Variants in PLCG2 observed in about 807,000 individuals in gnomAD.
The protein encoded by PLCG2 is 1-phosphatidylinositol 4,5-bisphosphate phosphodiesterase gamma-2.
A neutral mutation model predicts 175.6 loss-of-function variants in PLCG2; 69 were observed. The observed-to-expected ratio is 0.39, with a 90% confidence interval of 0.32 to 0.48. The LOEUF (loss-of-function observed/expected upper bound fraction) is 0.48. Among genes scored for constraint, PLCG2 ranks in the 20% least tolerant of loss-of-function variants. The pLI, the probability that PLCG2 is intolerant of heterozygous loss-of-function variation, is 0.91. For synonymous variants in PLCG2, 827 were observed against 624.0 expected, an observed-to-expected ratio of 1.33 and a Z score of -4.85; for missense variants, 1,798 against 1,650.9, an observed-to-expected ratio of 1.09 and a Z score of -1.54.
At chr16:81,923,790 A>G (rs1462065431) in intron 22 of PLCG2, among the ~76,000 whole-genome samples, 196 bp downstream of exon 22, 1 of 152,132 alleles carries the variant, frequency 6.6e-6, no homozygotes, top group Non-Finnish European at 1.5e-5. Flanking sequence ...AACAATATTA[A>G]CAGGTATCGA....
chr16:81,776,081 C>CGTT (rs768932030), upstream of PLCG2, among the ~76,000 whole-genome samples: 1 of 110,586 alleles, frequency 9.0e-6, no homozygotes, highest in African/African-American at 3.3e-5. Flanking sequence ...CTTTCTCTCT[C>CGTT]TCTCTCTCTT....
chr16:81,826,134 G>T (rs1905036761), intron 2 of PLCG2, among the ~76,000 whole-genome samples: 1 of 152,144 alleles, frequency 6.6e-6, no homozygotes, highest in Non-Finnish European at 1.5e-5. Flanking sequence ...CCCCATTGTG[G>T]TAAGAGATAC....
chr16:81,892,892 G>A (rs1404087554), intron 11 of PLCG2, among the ~76,000 whole-genome samples: 1 of 149,924 alleles, frequency 6.7e-6, no homozygotes, highest in Non-Finnish European at 1.5e-5. Flanking sequence ...CTGTTGCCCA[G>A]GCTGGAGTGC....
At chr16:81,926,466 T>C (rs190057744) in intron 22 of PLCG2, among the ~76,000 whole-genome samples, 143 of 152,364 alleles carry the variant, frequency 9.4e-4, no homozygotes, top group African/African-American at 3.4e-3. Flanking sequence ...AGATGGATTA[T>C]GTCCCGTGTT....
intron 15 of PLCG2, among the ~76,000 whole-genome samples, 194 bp downstream of exon 15, chr16:81,905,701 C>G (rs1037651125): frequency 6.6e-6 from 1 of 152,160 alleles, no homozygotes; most frequent in Non-Finnish European, 1.5e-5. Context: ...CTCTGTCGCC[C>G]AGGCTGGAGT....
At chr16:81,943,925 A>G (rs1911052823) in intron 30 of PLCG2, among the ~76,000 whole-genome samples, 2 of 152,180 alleles carry the variant, frequency 1.3e-5, no homozygotes, top group African/African-American at 4.8e-5. Context: ...AAATCAAAGG[A>G]TGGATGCTCT....
chr16:81,825,176 C>A (rs551095744), intron 2 of PLCG2, among the ~76,000 whole-genome samples: 4 of 152,260 alleles, frequency 2.6e-5, no homozygotes, highest in African/African-American at 9.6e-5. Flanking sequence ...TTGTTGTAAG[C>A]CACTAGGTTT....
chr16:81,909,853 T>C (rs757963953), intron 17 of PLCG2, among the ~76,000 whole-genome samples: 13 of 152,194 alleles, frequency 8.5e-5, no homozygotes, highest in East Asian at 3.8e-4. Flanking sequence ...GATACTGTTA[T>C]CATTCCTGTC....
chr16:81,739,720 G>C (rs1023379468), intron 1 of PLCG2: 2 of 152,282 alleles, frequency 1.3e-5, no homozygotes, highest in Non-Finnish European at 2.9e-5. Flanking sequence ...CTCACCAACT[G>C]TGACCTTGGG....
chr16:81,853,854 C>G (rs1051941222), intron 2 of PLCG2, among the ~76,000 whole-genome samples: 1 of 152,178 alleles, frequency 6.6e-6, no homozygotes, highest in Non-Finnish European at 1.5e-5. Context: ...CCACTCTCTT[C>G]TCACAGGCCC....
chr16:81,824,884 C>A (rs919330522), intron 2 of PLCG2, among the ~76,000 whole-genome samples: 1 of 152,200 alleles, frequency 6.6e-6, no homozygotes, highest in Non-Finnish European at 1.5e-5. Context: ...TGGGGAGATT[C>A]TCCTGCATGA....
chr16:81,859,804 G>A (rs1473563738), intron 5 of PLCG2, among the ~76,000 whole-genome samples: 1 of 152,082 alleles, frequency 6.6e-6, no homozygotes, highest in Non-Finnish European at 1.5e-5. Flanking sequence ...CCAAAGTCCT[G>A]GGATTACAGG....
At chr16:81,830,679 T>C (rs80332679) in intron 2 of PLCG2, among the ~76,000 whole-genome samples, 19,153 of 150,462 alleles carry the variant, frequency 0.13, 1,401 homozygotes, top group South Asian at 0.18. Flanking sequence ...TATATATATA[T>C]ACACACATAT....
intron 9 of PLCG2, chr16:81,883,635 G>T: frequency 2.2e-6 from 1 of 459,146 alleles, no homozygotes; most frequent in East Asian, 4.2e-5. Flanking sequence ...AGGGGTGAGG[G>T]CCTGAGGATG....
chr16:81,753,422 ATT>A (rs753282815), intron 1 of PLCG2, among the ~76,000 whole-genome samples: 4 of 118,066 alleles, frequency 3.4e-5, no homozygotes, highest in Admixed American at 9.2e-5. Flanking sequence ...ATTTAATTTA[ATT>A]TTTTTTTTTT....
chr16:81,859,297 C>T, intron 5 of PLCG2, 134 bp downstream of exon 5: 1 of 626,612 alleles, frequency 1.6e-6, no homozygotes. Context: ...CTGCGGATGC[C>T]ATGTTGGGTC....
intron 2 of PLCG2, among the ~76,000 whole-genome samples, chr16:81,789,210 G>A (rs1295075352): frequency 2.6e-5 from 4 of 152,224 alleles, no homozygotes; most frequent in African/African-American, 7.2e-5. Context: ...GCATGAGACA[G>A]GATTTTGGCT....
At chr16:81,919,103 C>T (rs1909958125) in intron 19 of PLCG2, among the ~76,000 whole-genome samples, 2 of 152,114 alleles carry the variant, frequency 1.3e-5, no homozygotes, top group South Asian at 2.1e-4. Context: ...AATGTATAAA[C>T]AAATGAACTG....
rs1172629533 is a variant in PLCG2, at chr16:81,940,117, C to T, written c.3481+58C>T. On this transcript the variant is annotated intron_variant, in intron 30 of 32. Transcript: ENST00000564138. The stretch of plus-strand genomic sequence containing the variant: ...GGGCTGGCGTTGTACTTTGGTTTGG[C>T]TGCTGGCTTCAAAAAGAATGAAAAA... The T allele has an allele frequency of 7.2e-6, 10 of 1,398,354 alleles. No homozygotes were observed. The Admixed American group carries it at 1.7e-4, about 23-fold the overall frequency. 86.6% of individuals were successfully genotyped at this position (1,398,354 alleles called of 1,614,324 possible).
Sources: allele counts gnomAD v4.1 joint callset (sites outside exome capture counted in the v4.1 genomes callset), GRCh38; gene constraint gnomAD v4.1.1; transcripts MANE v1.5; gene names NCBI Gene and HGNC (gene_info 2026-07-23, HGNC 2026-07-21).